The following PPP1R1C variants were observed in gnomAD, a reference collection of about 807,000 sequenced individuals.
The protein encoded by PPP1R1C is protein phosphatase 1 regulatory subunit 1C.
PPP1R1C carries 15 observed loss-of-function variants against 17.4 expected under a neutral mutation model. The observed-to-expected ratio is 0.86, with a 90% CI of 0.58 to 1.33. PPP1R1C has a LOEUF of 1.33. Among genes scored for constraint, PPP1R1C ranks in the 40% most tolerant of loss-of-function variants. The pLI, the probability that PPP1R1C is intolerant of heterozygous loss-of-function variation, is 0.00. For missense variants in PPP1R1C, 143 were observed against 130.0 expected, an observed-to-expected ratio of 1.10 and a Z score of -0.48; for synonymous variants, 35 against 43.1, an observed-to-expected ratio of 0.81 and a Z score of 0.73.
chr2:182,094,945 A>G (rs959523372), intron 4 of PPP1R1C, among the ~76,000 whole-genome samples: 4 of 152,176 alleles, frequency 2.6e-5, no homozygotes, highest in Admixed American at 2.0e-4. Flanking sequence ...GCCAAGGAGT[A>G]TCTATGTATA....
At chr2:182,123,658 A>T (rs1689792956) in intron 5 of PPP1R1C, among the ~76,000 whole-genome samples, 1 of 152,134 alleles carries the variant, frequency 6.6e-6, no homozygotes, top group Non-Finnish European at 1.5e-5. Flanking sequence ...CTTCTTTTGA[A>T]AAGTGTCTGT....
intron 2 of PPP1R1C, among the ~76,000 whole-genome samples, chr2:182,010,419 A>G (rs1367407442): frequency 6.6e-6 from 1 of 151,928 alleles, no homozygotes; most frequent in African/African-American, 2.4e-5. Context: ...TTCCTTTTAC[A>G]GATTGTTTAC....
At chr2:182,014,719 G>T (rs1686206195) in intron 2 of PPP1R1C, among the ~76,000 whole-genome samples, 1 of 151,972 alleles carries the variant, frequency 6.6e-6, no homozygotes, top group African/African-American at 2.4e-5. Flanking sequence ...CCTACTTGGT[G>T]CTCCTTTCTA....
Position 181,961,630 on chromosome 2 carries a change from G to C in PPP1R1C, n.111+6996G>C. 2.7e-6 allele frequency: 2 copies of C among 744,740 alleles called. No individual in the cohort carries two copies. The highest frequency in any genetic ancestry group is 2.5e-5 in the East Asian group (1 of 40,664). 46.1% of individuals were successfully genotyped at this position (744,740 alleles called of 1,614,324 possible). On this transcript the variant is annotated intron_variant and non_coding_transcript_variant, in intron 1 of 5. Coordinates refer to the PPP1R1C transcript ENST00000464264. The surrounding 1 kb of genome is among the most constrained non-coding windows in gnomAD (Gnocchi z 5.8). ...AGCATCTCCAACCTTGGTGGACTGC[G>C]TAGTGACCACTGTGGTGCTCTTCTC...
intron 2 of PPP1R1C, among the ~76,000 whole-genome samples, chr2:182,009,394 C>A (rs1686025400): frequency 6.6e-6 from 1 of 151,982 alleles, no homozygotes. Context: ...ACTTTGAGCA[C>A]CTTTTCATAT....
At chr2:182,061,320 G>A in intron 2 of PPP1R1C, 122 bp from the exon 3 acceptor site, 1 of 682,130 alleles carries the variant, frequency 1.5e-6, no homozygotes, top group African/African-American at 1.9e-5. Flanking sequence ...TTAGCTGTAA[G>A]TTGTAGTTTT....
intron 2 of PPP1R1C, among the ~76,000 whole-genome samples, chr2:182,022,916 T>C (rs1447972940): frequency 6.6e-6 from 1 of 152,208 alleles, no homozygotes; most frequent in Non-Finnish European, 1.5e-5. Context: ...AGACATATGC[T>C]TAGGTTATGC....
rs1218611889 is a variant in PPP1R1C, at chr2:181,976,560, A to T, written n.157+1296A>T. On this transcript the variant is annotated intron_variant and non_coding_transcript_variant, in intron 2 of 5. Transcript: ENST00000464264. This position sits in a 1 kb window ranked among gnomAD's most constrained non-coding sequence, Gnocchi z 4.8. The stretch of plus-strand genomic sequence containing the variant: ...ACTGGCCTACTGTTCAGGAATCCTG[A>T]GTAATTCTCCTCACCTTAATATAAA... Among the ~76,000 whole-genome samples, 3 of 152,172 alleles carry T rather than the reference A, an allele frequency of 2.0e-5. No individual in the cohort carries two copies.
chr2:182,106,736 A>C (rs987179136), intron 4 of PPP1R1C, among the ~76,000 whole-genome samples: 2 of 152,210 alleles, frequency 1.3e-5, no homozygotes, highest in Non-Finnish European at 2.9e-5. Context: ...TGCAGACAGC[A>C]CAACTAAAAA....
intron 1 of PPP1R1C, among the ~76,000 whole-genome samples, chr2:181,956,907 G>T (rs1475433947): frequency 6.6e-6 from 1 of 152,156 alleles, no homozygotes; most frequent in Non-Finnish European, 1.5e-5. Flanking sequence ...CATCTGAAAT[G>T]TTACATAATT....
At chr2:182,124,147 C>T (rs1046151438) in intron 5 of PPP1R1C, among the ~76,000 whole-genome samples, 3 of 152,058 alleles carry the variant, frequency 2.0e-5, no homozygotes, top group African/African-American at 7.2e-5. Context: ...TCAGGACTGT[C>T]AAAGATCAGA....
chr2:182,087,242 A>G (rs1339008547), intron 4 of PPP1R1C, among the ~76,000 whole-genome samples: 2 of 152,170 alleles, frequency 1.3e-5, no homozygotes, highest in Non-Finnish European at 2.9e-5. Flanking sequence ...GTGATTCTTT[A>G]TAGTCCTCGT....
chr2:182,000,311 A>G (rs1437535139), intron 2 of PPP1R1C, among the ~76,000 whole-genome samples: 1 of 152,152 alleles, frequency 6.6e-6, no homozygotes, highest in Admixed American at 6.6e-5. Flanking sequence ...GGGTTGGTCT[A>G]AAGTGTGGGG....
rs36118410 is a variant in PPP1R1C at position 182,002,930 on chromosome 2, TC to T, written c.142+15041del. ...ACCACCAAGAGTGATGCCATAAACC[TC>T]CCCCCCCCCACAACCCTGAAATCCC... On this transcript the variant is annotated intron_variant, in intron 2 of 4. Transcript: ENST00000682840. Among the ~76,000 whole-genome samples, 340 of 74,656 alleles carry T rather than the reference TC, an allele frequency of 4.6e-3. 5 individuals carry two copies. Among genetic ancestry groups the T allele is most frequent in the African/African-American group, 0.019 (304 of 15,678 alleles). The allele number at this position is 74,656 out of a possible 152,430, so 49.0% of individuals were successfully genotyped here. A position where few individuals can be genotyped will look rare whatever the true frequency, so the allele number is the denominator to read the frequency against.
chr2:182,076,275 A>G (rs114500459), intron 4 of PPP1R1C, among the ~76,000 whole-genome samples: 5,221 of 117,642 alleles, frequency 0.044, 278 homozygotes, highest in Admixed American at 0.17. Context: ...GCTCACTGCA[A>G]GCTCTGCCTC....
chr2:182,057,832 A>G (rs1356131865), intron 2 of PPP1R1C, among the ~76,000 whole-genome samples: 1 of 152,114 alleles, frequency 6.6e-6, no homozygotes, highest in African/African-American at 2.4e-5. Flanking sequence ...GCTCTTCAAA[A>G]TACACGCAGA....
At chr2:182,002,468 A>G (rs1490544551) in intron 2 of PPP1R1C, among the ~76,000 whole-genome samples, 1 of 152,092 alleles carries the variant, frequency 6.6e-6, no homozygotes, top group African/African-American at 2.4e-5. Flanking sequence ...ATACCAAACA[A>G]TAACAACAAA....
intron 4 of PPP1R1C, among the ~76,000 whole-genome samples, chr2:182,079,695 A>G (rs1488020838): frequency 1.3e-5 from 2 of 152,188 alleles, no homozygotes; most frequent in African/African-American, 2.4e-5. Context: ...TTCCTCTCAC[A>G]GTTGGTGAAG....
rs1187193290 is a variant in PPP1R1C at position 181,961,432 on chromosome 2, G to A, written n.111+6798G>A. On this transcript the variant is annotated intron_variant and non_coding_transcript_variant, in intron 1 of 5. Transcript: ENST00000464264. The surrounding 1 kb of genome is among the most constrained non-coding windows in gnomAD (Gnocchi z 5.8). ...GTGCTGTCCCTCTGCCCGGCTCTGT[G>A]CCATCTCTGACTCCAGGTGCAGCAG... 4 of 780,778 alleles carry A rather than the reference G, an allele frequency of 5.1e-6. No individual in the cohort carries two copies. Among genetic ancestry groups the A allele is most frequent in the Non-Finnish European group, 6.6e-6 (3 of 455,302 alleles). The allele number at this position is 780,778 out of a possible 1,614,324, so 48.4% of individuals were successfully genotyped here. A position where few individuals can be genotyped will look rare whatever the true frequency, so the allele number is the denominator to read the frequency against.
Sources: allele counts gnomAD v4.1 joint callset (sites outside exome capture counted in the v4.1 genomes callset), GRCh38; gene constraint gnomAD v4.1.1; non-coding constraint Gnocchi (gnomAD v3.1); transcripts MANE v1.5; gene names NCBI Gene and HGNC (gene_info 2026-07-23, HGNC 2026-07-21).